The following GALNT10 variants were observed in gnomAD, a reference collection of about 807,000 sequenced individuals.
GALNT10 encodes the protein polypeptide N-acetylgalactosaminyltransferase 10.
Under a neutral mutation model 75.0 loss-of-function variants are expected in GALNT10, and 41 were observed. That is an observed-to-expected ratio of 0.55 (90% CI 0.43 to 0.71). GALNT10 has a LOEUF of 0.71. Ranked by LOEUF, GALNT10 falls within the 30% of genes least tolerant of loss-of-function variation. GALNT10 has a pLI of 0.00. For missense variants in GALNT10, 727 were observed against 818.5 expected (o/e 0.89, Z 1.36); for synonymous variants, 302 against 313.0 (o/e 0.96, Z 0.37).
chr5:154,360,450 T>TA (rs11308900), intron 4 of GALNT10, among the ~76,000 whole-genome samples: 16 of 133,706 alleles, frequency 1.2e-4, no homozygotes, highest in South Asian at 2.4e-4. Context: ...AAACTCCATC[T>TA]AAAAAAAAAA....
intron 1 of GALNT10, among the ~76,000 whole-genome samples, chr5:154,232,195 C>T (rs1753161778): frequency 6.6e-6 from 1 of 152,216 alleles, no homozygotes; most frequent in African/African-American, 2.4e-5. Flanking sequence ...TGGCTCCAGG[C>T]AAGCCACTTA....
chr5:154,339,291 A>T (rs1264046586), intron 4 of GALNT10, among the ~76,000 whole-genome samples: 1 of 152,220 alleles, frequency 6.6e-6, no homozygotes, highest in Non-Finnish European at 1.5e-5. Flanking sequence ...CCACTAAGGA[A>T]ATCTACAGGC....
chr5:154,205,563 A>G (rs556667916), intron 1 of GALNT10, among the ~76,000 whole-genome samples: 1 of 152,296 alleles, frequency 6.6e-6, no homozygotes, highest in East Asian at 1.9e-4. Context: ...ATGTCTCTCA[A>G]AAAGATACGG....
chr5:154,206,553 A>G (rs953037088), intron 1 of GALNT10, among the ~76,000 whole-genome samples: 7 of 152,260 alleles, frequency 4.6e-5, no homozygotes, highest in African/African-American at 1.7e-4. Flanking sequence ...GGAAGGGAGC[A>G]GCACCCTAGT....
At chr5:154,382,701 G>C (rs547285885) in intron 6 of GALNT10, among the ~76,000 whole-genome samples, 3 of 152,300 alleles carry the variant, frequency 2.0e-5, no homozygotes, top group Admixed American at 6.5e-5. Flanking sequence ...CCAGAAAATG[G>C]AATTTTCAGG....
chr5:154,276,133 C>T (rs1475166146), intron 1 of GALNT10, among the ~76,000 whole-genome samples: 2 of 152,166 alleles, frequency 1.3e-5, no homozygotes, highest in African/African-American at 2.4e-5. Context: ...GCTGACTAAA[C>T]AGGAGTTTCT....
chr5:154,396,512 T>G (rs1345523261), intron 7 of GALNT10, among the ~76,000 whole-genome samples: 1 of 148,820 alleles, frequency 6.7e-6, no homozygotes, highest in African/African-American at 2.5e-5. Flanking sequence ...GAAAACACAG[T>G]CTCTGTGGAA....
chr5:154,359,457 T>A (rs752306539), intron 4 of GALNT10, among the ~76,000 whole-genome samples: 4 of 150,184 alleles, frequency 2.7e-5, no homozygotes, highest in Non-Finnish European at 5.9e-5. Flanking sequence ...GAGAGTGCAG[T>A]CTACCCACTT....
rs748162665 is a variant in GALNT10 at position 154,380,683 on chromosome 5, CA to C, written c.938+54del. 8.1e-6 allele frequency: 10 copies of C among 1,237,394 alleles called. No individual in the cohort carries two copies. In the South Asian group the frequency reaches 1.3e-4, roughly 16 times the overall value. The allele number at this position is 1,237,394 out of a possible 1,614,324, so 76.7% of individuals were successfully genotyped here. Reference sequence around the variant, plus strand: ...CCAGTGGCTACCCAGTGACCACTCCCAACACGCACACAACTCAGGATCGCCA... The same window carrying C: ...CCAGTGGCTACCCAGTGACCACTCCCACACGCACACAACTCAGGATCGCCA... On this transcript the variant is annotated intron_variant, in intron 6 of 11. Transcript: ENST00000297107.
intron 1 of GALNT10, among the ~76,000 whole-genome samples, chr5:154,198,929 G>A (rs559963576): frequency 2.0e-4 from 31 of 152,280 alleles, no homozygotes; most frequent in African/African-American, 7.2e-4. Context: ...TCCCAACCAG[G>A]GCCCGGAGAC....
intron 1 of GALNT10, among the ~76,000 whole-genome samples, chr5:154,246,484 T>C (rs902635831): frequency 7.9e-5 from 12 of 152,370 alleles, no homozygotes; most frequent in Non-Finnish European, 2.9e-5. Context: ...TTTCCTGACT[T>C]TTTAATGATT....
At chr5:154,366,637 A>G (rs1279559131) in intron 4 of GALNT10, among the ~76,000 whole-genome samples, 3 of 151,932 alleles carry the variant, frequency 2.0e-5, no homozygotes, top group Non-Finnish European at 4.4e-5. Flanking sequence ...TTTCCTGGCA[A>G]CTCTTATGGT....
intron 1 of GALNT10, among the ~76,000 whole-genome samples, chr5:154,275,582 CA>C (rs1462940667): frequency 2.6e-5 from 4 of 152,196 alleles, no homozygotes; most frequent in Non-Finnish European, 5.9e-5. Flanking sequence ...CAGGACTTTG[CA>C]GAACACTTTA....
At chr5:154,370,246 G>C (rs1367365369) in intron 4 of GALNT10, among the ~76,000 whole-genome samples, 1 of 152,256 alleles carries the variant, frequency 6.6e-6, no homozygotes, top group Non-Finnish European at 1.5e-5. Flanking sequence ...TCTGGCTTGG[G>C]TGCTAGGCAC....
In GALNT10 at chr5:154,298,285, G is replaced by A. The variant is rs945176244; in HGVS notation, c.401+206G>A. On this transcript the variant is annotated intron_variant, in intron 3 of 11. Coordinates refer to ENST00000297107, the MANE Select transcript of GALNT10 (RefSeq NM_198321.4). This position sits in a 1 kb window ranked among gnomAD's most constrained non-coding sequence, Gnocchi z 4.1. ...GCCAGCCTCCTTCCTCTTTTCAGGA[G>A]GTGGAACTATGTAGCCTCTGCATTT... 2.0e-5 allele frequency among the ~76,000 whole-genome samples: 3 copies of A among 152,188 alleles called. No individual in the cohort carries two copies. The highest frequency in any genetic ancestry group is 6.5e-5 in the Admixed American group (1 of 15,282).
intron 1 of GALNT10, among the ~76,000 whole-genome samples, chr5:154,259,222 C>T (rs1364888213): frequency 1.3e-5 from 2 of 152,032 alleles, no homozygotes; most frequent in South Asian, 2.1e-4. Flanking sequence ...TTTTTCATGA[C>T]GTTGGCACTT....
chr5:154,382,133 T>C (rs900439393), intron 6 of GALNT10, among the ~76,000 whole-genome samples: 8 of 152,220 alleles, frequency 5.3e-5, no homozygotes, highest in African/African-American at 1.9e-4. Context: ...CTCAGCCATC[T>C]TCATGGGCAT....
intron 1 of GALNT10, among the ~76,000 whole-genome samples, chr5:154,249,416 A>G (rs1043457229): frequency 2.6e-5 from 4 of 152,162 alleles, no homozygotes; most frequent in Admixed American, 1.3e-4. Context: ...ACCAGAGGGC[A>G]TTCAGTCCAA....
At chr5:154,328,077 G>T (rs535545020) in intron 3 of GALNT10, among the ~76,000 whole-genome samples, 2 of 89,636 alleles carry the variant, frequency 2.2e-5, no homozygotes, top group African/African-American at 6.4e-5. Flanking sequence ...CAAACAAATC[G>T]AAGGGGAAAA....
Sources: allele counts gnomAD v4.1 joint callset (sites outside exome capture counted in the v4.1 genomes callset), GRCh38; gene constraint gnomAD v4.1.1; non-coding constraint Gnocchi (gnomAD v3.1); transcripts MANE v1.5; gene names NCBI Gene and HGNC (gene_info 2026-07-23, HGNC 2026-07-21).